Variants in MCPH1 observed in about 807,000 individuals in gnomAD.
The protein encoded by MCPH1 is microcephalin.
MCPH1 carries 104 observed loss-of-function variants against 84.5 expected under a neutral mutation model. The observed-to-expected ratio is 1.23, with a 90% CI of 1.05 to 1.45. The LOEUF (loss-of-function observed/expected upper bound fraction) is 1.45, where lower values mean the gene tolerates loss of function less well. Ranked by LOEUF, MCPH1 falls within the 40% of genes most tolerant of loss-of-function variation. The pLI is 0.00. For missense variants in MCPH1, 1,498 were observed against 1,005.7 expected (o/e 1.49, Z -6.62); for synonymous variants, 514 against 366.8 (o/e 1.40, Z -4.58).
chr8:6,543,722 T>C (rs1236852147), intron 12 of MCPH1, among the ~76,000 whole-genome samples: 2 of 152,184 alleles, frequency 1.3e-5, no homozygotes, highest in Non-Finnish European at 2.9e-5. Context: ...ACCCCTTGTA[T>C]TGGATGAGAT....
chr8:6,527,586 T>G, intron 12 of MCPH1: 2 of 1,614,076 alleles, frequency 1.2e-6, no homozygotes, highest in Non-Finnish European at 1.7e-6. Flanking sequence ...TTTATTTCAC[T>G]GGTCTGGTCC....
At chr8:6,544,558 T>C (rs1402988972) in intron 12 of MCPH1, among the ~76,000 whole-genome samples, 2 of 152,184 alleles carry the variant, frequency 1.3e-5, no homozygotes, top group Non-Finnish European at 2.9e-5. Context: ...TTTGTCGAAG[T>C]TTTTTTCAGG....
At chr8:6,585,434 T>G (rs575630000) in intron 12 of MCPH1, among the ~76,000 whole-genome samples, 15 of 152,334 alleles carry the variant, frequency 9.8e-5, no homozygotes, top group African/African-American at 3.4e-4. Context: ...GGGAGCCCCT[T>G]CCCGGGAACG....
chr8:6,453,383 TAAC>T (rs759754369), intron 8 of MCPH1, among the ~76,000 whole-genome samples: 87 of 138,254 alleles, frequency 6.3e-4, no homozygotes, highest in Non-Finnish European at 1.1e-3. Flanking sequence ...GAAAACATGT[TAAC>T]AATATCAGTC....
chr8:6,535,790 G>A (rs183192969), intron 12 of MCPH1, among the ~76,000 whole-genome samples: 18 of 152,096 alleles, frequency 1.2e-4, no homozygotes, highest in Non-Finnish European at 2.9e-5. Flanking sequence ...GCTCATGCCT[G>A]TAATCCCAGC....
chr8:6,434,349 C>T (rs924009044), intron 4 of MCPH1, among the ~76,000 whole-genome samples: 2 of 152,172 alleles, frequency 1.3e-5, no homozygotes, highest in African/African-American at 4.8e-5. Context: ...GCAAATCCTT[C>T]ATCTCACTAC....
chr8:6,493,195 C>G (rs1292308007), intron 11 of MCPH1, among the ~76,000 whole-genome samples: 1 of 152,184 alleles, frequency 6.6e-6, no homozygotes, highest in Non-Finnish European at 1.5e-5. Context: ...TGGTGACATG[C>G]TGGGTTTTCC....
chr8:6,606,720 A>G (rs533432064), intron 12 of MCPH1, among the ~76,000 whole-genome samples: 1 of 152,358 alleles, frequency 6.6e-6, no homozygotes, highest in South Asian at 2.1e-4. Flanking sequence ...CGGTTTGGCT[A>G]TGTCCCCACC....
intron 13 of MCPH1, among the ~76,000 whole-genome samples, chr8:6,634,530 G>A (rs138615878): frequency 4.6e-5 from 7 of 152,342 alleles, no homozygotes; most frequent in East Asian, 1.9e-4. Context: ...GCACGCATAA[G>A]TGTAAACCTG....
At chr8:6,607,981 C>T (rs1411852312) in intron 12 of MCPH1, among the ~76,000 whole-genome samples, 1 of 152,184 alleles carries the variant, frequency 6.6e-6, no homozygotes, top group African/African-American at 2.4e-5. Context: ...CTGGGAAAGG[C>T]CAGACCAACC....
chr8:6,612,271 C>A (rs1321069242), intron 12 of MCPH1, among the ~76,000 whole-genome samples: 1 of 151,826 alleles, frequency 6.6e-6, no homozygotes, highest in Non-Finnish European at 1.5e-5. Context: ...TGACTAGCTG[C>A]CCCATCACAT....
intron 13 of MCPH1, among the ~76,000 whole-genome samples, chr8:6,634,247 A>G (rs1797376190): frequency 6.6e-6 from 1 of 152,236 alleles, no homozygotes; most frequent in African/African-American, 2.4e-5. Flanking sequence ...TGAATATTCA[A>G]CAGGCTGGTT....
At chr8:6,605,169 G>C (rs10091228) in intron 12 of MCPH1, among the ~76,000 whole-genome samples, 1 of 152,088 alleles carries the variant, frequency 6.6e-6, no homozygotes, top group Non-Finnish European at 1.5e-5. Flanking sequence ...CCCCGCTCTT[G>C]TTGGGTCCCT....
rs1269068071 is a variant in MCPH1, at chr8:6,409,278, G to A, written c.23-1G>A. The A allele has an allele frequency of 1.2e-6, 2 of 1,609,984 alleles. No homozygotes were observed. Among genetic ancestry groups the A allele is most frequent in the Non-Finnish European group, 1.7e-6 (2 of 1,176,328 alleles). On this transcript the variant is annotated splice_acceptor_variant, in intron 1 of 13. Coordinates refer to ENST00000344683, the MANE Select transcript of MCPH1 (RefSeq NM_024596.5). LOFTEE classifies it high-confidence loss of function. Reference sequence around the variant, plus strand: ...GTTTCATGTTCATATCTTGTTTTCAGATGTAGTGGCCTATGTTGAAGTGTG... The same window carrying A: ...GTTTCATGTTCATATCTTGTTTTCAAATGTAGTGGCCTATGTTGAAGTGTG...
intron 4 of MCPH1, among the ~76,000 whole-genome samples, chr8:6,432,043 C>T (rs1246028354): frequency 6.6e-6 from 1 of 152,204 alleles, no homozygotes; most frequent in African/African-American, 2.4e-5. Context: ...GTTCCGGGAC[C>T]CCCACAGATA....
intron 12 of MCPH1, chr8:6,616,375 G>C (rs1042187072): frequency 6.6e-6 from 1 of 152,238 alleles, no homozygotes; most frequent in Non-Finnish European, 1.5e-5. Context: ...AAATAGCTGG[G>C]ATTCCTTGAA....
intron 5 of MCPH1, among the ~76,000 whole-genome samples, chr8:6,437,030 T>G (rs562622103): frequency 6.6e-6 from 1 of 152,298 alleles, no homozygotes; most frequent in East Asian, 1.9e-4. Context: ...ATTTCTGTTT[T>G]GCCTTTTTCA....
At chr8:6,563,976 C>CTTTTTTTTTT (rs11358428) in intron 12 of MCPH1, among the ~76,000 whole-genome samples, 1 of 85,384 alleles carries the variant, frequency 1.2e-5, no homozygotes, top group African/African-American at 3.9e-5. Context: ...GGAATACAAA[C>CTTTTTTTTTT]TTTTTTTTTT....
chr8:6,457,835 G>C (rs375170909), intron 9 of MCPH1, among the ~76,000 whole-genome samples: 1 of 151,770 alleles, frequency 6.6e-6, no homozygotes, highest in Non-Finnish European at 1.5e-5. Context: ...AGTGTTCACC[G>C]CACAGCCTTT....
Sources: allele counts gnomAD v4.1 joint callset (sites outside exome capture counted in the v4.1 genomes callset), GRCh38; gene constraint gnomAD v4.1.1; transcripts MANE v1.5; gene names NCBI Gene and HGNC (gene_info 2026-07-23, HGNC 2026-07-21).